SPI1: variants seen among roughly 807,000 people sequenced by gnomAD.
SPI1 encodes transcription factor PU.1.
Under a neutral mutation model 30.7 loss-of-function variants are expected in SPI1, and 3 were observed. The ratio of observed to expected loss-of-function variants is 0.10; its 90% CI spans 0.04 to 0.25. The LOEUF (loss-of-function observed/expected upper bound fraction) is 0.25, where lower values mean the gene tolerates loss of function less well. SPI1 is among the 10% of genes least tolerant of loss of function. The pLI is 1.00. For missense variants in SPI1, 261 were observed against 371.5 expected (o/e 0.70, Z 2.45); for synonymous variants, 169 against 157.1 (o/e 1.08, Z -0.56).
chr11:47,375,543 T>C lies in SPI1; in HGVS notation c.142+90A>G. 1 of 1,037,682 alleles carries C rather than the reference T, an allele frequency of 9.6e-7. No individual in the cohort carries two copies. Among genetic ancestry groups the C allele is most frequent in the Non-Finnish European group, 1.5e-6 (1 of 670,524 alleles). 64.3% of individuals were successfully genotyped at this position (1,037,682 alleles called of 1,614,324 possible). On this transcript the variant is annotated intron_variant, in intron 2 of 4. Transcript: ENST00000378538. This position sits in a 1 kb window ranked among gnomAD's most constrained non-coding sequence, Gnocchi z 4.2. The stretch of plus-strand genomic sequence containing the variant: ...TCTGATTCTCAGAATTCCAAAGAAG[T>C]CCTGGGAATCATTTATTCTTTTTCT...
intron 4 of SPI1, among the ~76,000 whole-genome samples, chr11:47,357,752 G>A (rs560917896): frequency 6.6e-6 from 1 of 152,194 alleles, no homozygotes. Context: ...TTTTAGTGGA[G>A]ACGGGGTTTC....
chr11:47,377,208 G>A (rs1016355597), intron 1 of SPI1, among the ~76,000 whole-genome samples: 1 of 152,196 alleles, frequency 6.6e-6, no homozygotes, highest in African/African-American at 2.4e-5. Flanking sequence ...GCTGCAGGAT[G>A]TCAGCCCGGC....
Position 47,355,305 on chromosome 11 carries a change from C to T in SPI1, c.735G>A (p.Lys245=). 1 of 1,607,542 alleles carries T rather than the reference C, an allele frequency of 6.2e-7. No individual in the cohort carries two copies. Among genetic ancestry groups the T allele is most frequent in the Non-Finnish European group, 8.5e-7 (1 of 1,177,326 alleles). Residue 245 remains lysine, a synonymous_variant, in exon 5 of 5, where the codon AAG becomes AAA. Coordinates refer to ENST00000378538, the MANE Select transcript of SPI1 (RefSeq NM_003120.3). ...YGKTGEVKKV[K]KKLTYQFSGE... is the part of the protein sequence containing the mutation. ...CGCTGAACTGGTAGGTGAGCTTCTT[C>T]TTCACCTTCTTGACCTCGCCCGTCT... is the stretch of plus-strand genomic sequence containing the variant.
At chr11:47,362,570 CTT>C (rs377422572) in intron 2 of SPI1, among the ~76,000 whole-genome samples, 1 of 108,044 alleles carries the variant, frequency 9.3e-6, no homozygotes. Context: ...GACCCTGTCT[CTT>C]TTTTTTTTTT....
In SPI1 at chr11:47,355,499, G is replaced by A. The variant is rs1473265266; in HGVS notation, c.541C>T (p.Arg181Cys). The A allele has an allele frequency of 6.2e-7, 1 of 1,610,846 alleles. No homozygotes were observed. The highest frequency in any genetic ancestry group is 1.1e-5 in the South Asian group (1 of 90,598). The change falls in exon 5 of 5, where the codon CGC (arginine) becomes TGC (cysteine). Residue 181 changes from arginine (R) to cysteine (C), a missense_variant. This residue lies in a region of SPI1 where 43 missense variants were observed against 123.8 expected (regional missense o/e 0.35). Transcript: ENST00000378538. Reference sequence around the variant, plus strand: ...ATGCTGTCCTTCATGTCGCCGCTGCGGAGCAGGTCCAACAGGAACTGGTAC... The same window carrying A: ...ATGCTGTCCTTCATGTCGCCGCTGCAGAGCAGGTCCAACAGGAACTGGTAC... ...RLYQFLLDLL[R>C]SGDMKDSIWW...
chr11:47,358,740 C>T (rs1359653171), intron 4 of SPI1, 104 bp downstream of exon 4: 19 of 1,158,758 alleles, frequency 1.6e-5, no homozygotes, highest in Middle Eastern at 1.9e-4. Flanking sequence ...CACACACACA[C>T]GCGACTCGGT....
At chr11:47,367,491 T>TGGGAGG (rs1370756935) in intron 2 of SPI1, among the ~76,000 whole-genome samples, 4 of 147,220 alleles carry the variant, frequency 2.7e-5, no homozygotes, top group African/African-American at 1.0e-4. Context: ...GAGGTGGAGG[T>TGGGAGG]TGCAGTGAGC....
chr11:47,356,669 CCT>C (rs2142877774), intron 4 of SPI1, among the ~76,000 whole-genome samples: 1 of 151,734 alleles, frequency 6.6e-6, no homozygotes, highest in African/African-American at 2.4e-5. Flanking sequence ...CACTGCTCAC[CCT>C]CACACCTTAC....
intron 2 of SPI1, among the ~76,000 whole-genome samples, chr11:47,367,570 T>A (rs1255197116): frequency 7.4e-5 from 7 of 94,080 alleles, no homozygotes; most frequent in African/African-American, 1.3e-4. Flanking sequence ...AAAAAAAAAA[T>A]CCTATCGTAA....
intron 2 of SPI1, among the ~76,000 whole-genome samples, chr11:47,365,957 A>G (rs898956766): frequency 6.6e-6 from 1 of 152,202 alleles, no homozygotes; most frequent in Admixed American, 6.5e-5. Flanking sequence ...GGCCTTCCAA[A>G]GTGCTGGGAT....
chr11:47,358,493 T>G, intron 4 of SPI1: 1 of 653,306 alleles, frequency 1.5e-6, no homozygotes, highest in Non-Finnish European at 2.8e-6. Context: ...CACATTCACC[T>G]TCTCACACAC....
rs181230079 is a variant in SPI1 at position 47,357,070 on chromosome 11, T to G, written c.494-1524A>C. On this transcript the variant is annotated intron_variant, in intron 4 of 4. Coordinates refer to ENST00000378538, the MANE Select transcript of SPI1 (RefSeq NM_003120.3). ...GCTTACAAACTCATGCTCACACACA[T>G]GCTAACACTTCACACATGCTAACAC... 1.1e-3 allele frequency among the ~76,000 whole-genome samples: 165 copies of G among 150,242 alleles called. 1 individual carries two copies. Among genetic ancestry groups the G allele is most frequent in the African/African-American group, 3.9e-3 (157 of 40,702 alleles).
In SPI1 at chr11:47,374,755, C is replaced by G. The variant is rs1048656531; in HGVS notation, c.142+878G>C. Among the ~76,000 whole-genome samples, 4 of 152,248 alleles carry G rather than the reference C, an allele frequency of 2.6e-5. No homozygotes were observed. Among genetic ancestry groups the G allele is most frequent in the African/African-American group, 9.6e-5 (4 of 41,466 alleles). On this transcript the variant is annotated intron_variant, in intron 2 of 4. Transcript: ENST00000378538. The surrounding 1 kb of genome is among the most constrained non-coding windows in gnomAD (Gnocchi z 4.5). Reference sequence around the variant, plus strand: ...CACTTTGGGCAACCTCCCGCAGCCCCCTGCTCAGGTCCCAGGCACCTAATG... The same window carrying G: ...CACTTTGGGCAACCTCCCGCAGCCCGCTGCTCAGGTCCCAGGCACCTAATG...
chr11:47,364,272 G>T (rs1024935168), intron 2 of SPI1, among the ~76,000 whole-genome samples: 1 of 151,870 alleles, frequency 6.6e-6, no homozygotes, highest in African/African-American at 2.4e-5. Flanking sequence ...GGATGGTCGC[G>T]ATCTCCTGAC....
intron 2 of SPI1, among the ~76,000 whole-genome samples, chr11:47,361,229 C>A (rs1282006794): frequency 6.6e-6 from 1 of 152,208 alleles, no homozygotes; most frequent in Non-Finnish European, 1.5e-5. Flanking sequence ...ACTCACACAG[C>A]CTTGTCACAT....
chr11:47,355,241 G>A lies in SPI1; in HGVS notation c.799C>T (p.His267Tyr). The change falls in exon 5 of 5, where the codon CAC becomes TAC. Residue 267 changes from histidine (H) to tyrosine (Y), a missense_variant. This residue lies in a region of SPI1 where 24 missense variants were observed against 20.9 expected (regional missense o/e 1.15). Coordinates refer to ENST00000378538, the MANE Select transcript of SPI1 (RefSeq NM_003120.3). Reference protein sequence around the residue: ...LGRGGLAERRHPPH With the variant: ...LGRGGLAERRYPPH ...GGGCTGCGGGCTCAGTGGGGCGGGT[G>A]GCGCCGCTCGGCCAGGCCCCCGCGG... The A allele has an allele frequency of 7.0e-7, 1 of 1,429,338 alleles. No individual in the cohort carries two copies. Among genetic ancestry groups the A allele is most frequent in the African/African-American group, 1.5e-5 (1 of 67,534 alleles). The allele number at this position is 1,429,338 out of a possible 1,614,324, so 88.5% of individuals were successfully genotyped here.
intron 2 of SPI1, among the ~76,000 whole-genome samples, chr11:47,361,479 C>G (rs780795817): frequency 6.6e-6 from 1 of 152,208 alleles, no homozygotes; most frequent in Non-Finnish European, 1.5e-5. Flanking sequence ...TGTCTTGGAA[C>G]TGGGGAAGAT....
chr11:47,355,622 A>C, intron 4 of SPI1, 76 bp from the exon 5 acceptor site: 9 of 1,251,268 alleles, frequency 7.2e-6, no homozygotes, highest in Non-Finnish European at 9.7e-6. Context: ...GCGTACGCAC[A>C]GGGGCCCGGG....
At chr11:47,356,445 C>T (rs534401719) in intron 4 of SPI1, among the ~76,000 whole-genome samples, 16 of 151,630 alleles carry the variant, frequency 1.1e-4, no homozygotes, top group African/African-American at 3.9e-4. Flanking sequence ...CATGCACACA[C>T]ACTCAGACCC....
Sources: gnomAD v4.1 joint callset for allele counts (sites outside exome capture counted in the v4.1 genomes callset) on GRCh38, gnomAD v4.1.1 for gene constraint, gnomAD v4.1.1 regional missense constraint, Gnocchi (gnomAD v3.1) non-coding constraint, MANE v1.5 for transcripts, NCBI Gene and HGNC (gene_info 2026-07-23, HGNC 2026-07-21) for gene names.